KCNT2: variants seen among roughly 807,000 people sequenced by gnomAD.
KCNT2 encodes the protein potassium channel subfamily T member 2.
In KCNT2, 67 loss-of-function variants were observed where a neutral mutation model predicts 153.8. That is an observed-to-expected ratio of 0.44 (90% CI 0.36 to 0.53). The LOEUF (loss-of-function observed/expected upper bound fraction) is 0.53, where lower values mean the gene tolerates loss of function less well. Among genes scored for constraint, KCNT2 ranks in the 20% least tolerant of loss-of-function variants. KCNT2 has a pLI of 0.00. For missense variants in KCNT2, 975 were observed against 1,354.8 expected, an observed-to-expected ratio of 0.72 and a Z score of 4.40; for synonymous variants, 500 against 458.8, an observed-to-expected ratio of 1.09 and a Z score of -1.15.
At chr1:196,282,431 A>T in intron 23 of KCNT2, 75 bp from the exon 24 acceptor site, 1 of 704,522 alleles carries the variant, frequency 1.4e-6, no homozygotes, top group East Asian at 2.8e-5. Flanking sequence ...AGAACAGCTA[A>T]AAGTGTGAAC....
At chr1:196,231,037 G>T (rs1335620242) in intron 27 of KCNT2, among the ~76,000 whole-genome samples, 3 of 151,680 alleles carry the variant, frequency 2.0e-5, no homozygotes, top group Non-Finnish European at 4.4e-5. Context: ...CTGATTTTAA[G>T]AAATTGCCAC....
intron 8 of KCNT2, among the ~76,000 whole-genome samples, chr1:196,455,894 G>A (rs377123824): frequency 5.3e-4 from 81 of 152,132 alleles, no homozygotes; most frequent in South Asian, 3.5e-3. Context: ...AGTAGATGGA[G>A]AGGCCTCAGC....
At chr1:196,479,354 T>A in intron 4 of KCNT2, 116 bp from the exon 5 acceptor site, 1 of 607,656 alleles carries the variant, frequency 1.6e-6, no homozygotes, top group Non-Finnish European at 2.9e-6. Flanking sequence ...TATGGGTGTA[T>A]AATAGGACTT....
At position 196,390,008 on chromosome 1, in the gene KCNT2, T is replaced by G. The variant is rs567832386; in HGVS notation, c.1294+8555A>C. Among the ~76,000 whole-genome samples the G allele has an allele frequency of 9.2e-5, 14 of 151,718 alleles. No individual in the cohort carries two copies. In the East Asian group the frequency reaches 1.8e-3, roughly 19 times the overall value. On this transcript the variant is annotated intron_variant, in intron 13 of 27. Coordinates refer to ENST00000294725, the MANE Select transcript of KCNT2 (RefSeq NM_198503.5). The stretch of plus-strand genomic sequence containing the variant: ...TAGCCTGGCTTTTAGAGTTTCATTT[T>G]GTACATGTGTGACCTAATACTCAGA...
At chr1:196,598,522 T>C (rs2149024350) in intron 1 of KCNT2, among the ~76,000 whole-genome samples, 1 of 152,318 alleles carries the variant, frequency 6.6e-6, no homozygotes, top group South Asian at 2.1e-4. Flanking sequence ...TAACACTTAT[T>C]TTAATCAAGT....
In KCNT2 at chr1:196,334,049, T is replaced by A. The variant is rs991636159; in HGVS notation, c.1795A>T (p.Ile599Leu). ...SIIASMGTVA[I>L]DLQDTSCRSA... ...CTACAGCTTGTATCTTGCAAGTCTA[T>A]AGCCACAGTACCTAAAACAATAAAA... The change falls in exon 17 of 28, where the codon ATA becomes TTA. Residue 599 changes from isoleucine to leucine, a missense_variant. By Grantham distance (5) the Ile-to-Leu change is conservative. Transcript: ENST00000294725. 4 of 1,611,650 alleles carry A rather than the reference T, an allele frequency of 2.5e-6. No homozygotes were observed. The highest frequency in any genetic ancestry group is 1.7e-6 in the Non-Finnish European group (2 of 1,178,274).
At chr1:196,534,111 A>G (rs1655264500) in intron 1 of KCNT2, among the ~76,000 whole-genome samples, 1 of 152,160 alleles carries the variant, frequency 6.6e-6, no homozygotes, top group Non-Finnish European at 1.5e-5. Context: ...GGAAAAAAAA[A>G]AGGAAGAATC....
intron 1 of KCNT2, among the ~76,000 whole-genome samples, chr1:196,593,050 T>G (rs1392400501): frequency 1.3e-5 from 2 of 150,392 alleles, no homozygotes; most frequent in Admixed American, 1.3e-4. Flanking sequence ...CTGAACACAA[T>G]TTGTAGTCTT....
chr1:196,303,568 A>C (rs2147971910), intron 22 of KCNT2, among the ~76,000 whole-genome samples: 1 of 152,298 alleles, frequency 6.6e-6, no homozygotes, highest in East Asian at 1.9e-4. Context: ...ATCAACAAAT[A>C]TAAAATGTAT....
chr1:196,513,338 T>A (rs1681789397), intron 1 of KCNT2, among the ~76,000 whole-genome samples: 1 of 152,210 alleles, frequency 6.6e-6, no homozygotes. Flanking sequence ...ACTATCAGCA[T>A]GCAGAGGTTG....
intron 27 of KCNT2, among the ~76,000 whole-genome samples, chr1:196,233,733 C>T (rs553336573): frequency 6.6e-6 from 1 of 151,354 alleles, no homozygotes; most frequent in African/African-American, 2.4e-5. Flanking sequence ...CTGTCATTTG[C>T]AGCAACATAG....
In KCNT2 at chr1:196,340,483, T is replaced by A. The variant is rs1391028443; in HGVS notation, c.1641A>T (p.Thr547=). 1 of 1,611,832 alleles carries A rather than the reference T, an allele frequency of 6.2e-7. No individual in the cohort carries two copies. Among genetic ancestry groups the A allele is most frequent in the Non-Finnish European group, 8.5e-7 (1 of 1,178,420 alleles). ...TAATATTAATATAAAAGCATATGTC[T>A]GTAGAATTCATAATGTATCGAGGAC... ...NPGPRYIMNS[T]DICFYINITK... Residue 547 remains threonine, a synonymous_variant, in exon 16 of 28, where the codon ACA becomes ACT. Coordinates refer to ENST00000294725, the MANE Select transcript of KCNT2 (RefSeq NM_198503.5).
rs186569989 is a variant in KCNT2 at position 196,387,453 on chromosome 1, C to A, written c.1294+11110G>T. Among the ~76,000 whole-genome samples, 409 of 151,974 alleles carry A rather than the reference C, an allele frequency of 2.7e-3. 2 individuals carry two copies. Among genetic ancestry groups the A allele is most frequent in the African/African-American group, 9.4e-3 (392 of 41,504 alleles). On this transcript the variant is annotated intron_variant, in intron 13 of 27. Transcript: ENST00000294725. ...AAATTCATCTATCATATCTGTATGT[C>A]CACCCTATTTTAAGCTTTCCTTGAT...
At chr1:196,233,237 C>T (rs1464566825) in intron 27 of KCNT2, among the ~76,000 whole-genome samples, 2 of 151,380 alleles carry the variant, frequency 1.3e-5, no homozygotes, top group African/African-American at 4.8e-5. Context: ...ATTCTACTAG[C>T]TTAAATTGTT....
chr1:196,318,368 G>A (rs180887015), intron 20 of KCNT2, among the ~76,000 whole-genome samples: 158 of 151,742 alleles, frequency 1.0e-3, no homozygotes, highest in Non-Finnish European at 1.7e-3. Flanking sequence ...TTATCAATTC[G>A]TAGCCAATTC....
At chr1:196,409,240 C>T (rs1332325823) in intron 12 of KCNT2, among the ~76,000 whole-genome samples, 2 of 151,074 alleles carry the variant, frequency 1.3e-5, no homozygotes, top group East Asian at 3.9e-4. Context: ...TTCTATTTAT[C>T]CCATCTATTC....
chr1:196,361,729 T>C (rs954874496), intron 14 of KCNT2, among the ~76,000 whole-genome samples: 1 of 152,100 alleles, frequency 6.6e-6, no homozygotes, highest in Non-Finnish European at 1.5e-5. Context: ...AGAAGTCTGT[T>C]AATACTTTCA....
At chr1:196,246,971 C>T (rs1033870642) in intron 26 of KCNT2, among the ~76,000 whole-genome samples, 1 of 152,004 alleles carries the variant, frequency 6.6e-6, no homozygotes, top group Admixed American at 6.6e-5. Context: ...ACTAAACCCT[C>T]CCAATCAAAA....
At chr1:196,370,658 A>G (rs1408003702) in intron 14 of KCNT2, among the ~76,000 whole-genome samples, 3 of 152,098 alleles carry the variant, frequency 2.0e-5, no homozygotes, top group African/African-American at 7.2e-5. Context: ...GACAGTTCCT[A>G]AAGAAGCTAA....
Sources: allele counts gnomAD v4.1 joint callset (sites outside exome capture counted in the v4.1 genomes callset), GRCh38; gene constraint gnomAD v4.1.1; transcripts MANE v1.5; gene names NCBI Gene and HGNC (gene_info 2026-07-23, HGNC 2026-07-21).